The following USP25 variants were observed in gnomAD, a reference collection of about 807,000 sequenced individuals.
The protein encoded by USP25 is ubiquitin carboxyl-terminal hydrolase 25.
In USP25, 85 loss-of-function variants were observed where a neutral mutation model predicts 158.5. The observed-to-expected ratio is 0.54, with a 90% confidence interval of 0.45 to 0.64. USP25 has a LOEUF of 0.64. Among genes scored for constraint, USP25 ranks in the 30% least tolerant of loss-of-function variants. The pLI is 0.00. For missense variants in USP25, 1,242 were observed against 1,327.3 expected (o/e 0.94, Z 1.00); for synonymous variants, 464 against 460.4 (o/e 1.01, Z -0.10).
chr21:15,766,253 A>C lies in USP25; in HGVS notation c.268+112A>C. The C allele has an allele frequency of 2.1e-6, 2 of 967,038 alleles. No individual in the cohort carries two copies. Among genetic ancestry groups the C allele is most frequent in the Non-Finnish European group, 2.8e-6 (2 of 708,552 alleles). The allele number at this position is 967,038 out of a possible 1,614,324, so 59.9% of individuals were successfully genotyped here. On this transcript the variant is annotated intron_variant, in intron 3 of 25. Transcript: ENST00000400183. The surrounding 1 kb of genome is among the most constrained non-coding windows in gnomAD (Gnocchi z 4.0). ...AGGTAAAGAACCAAAAAAGAACTCT[A>C]TTAACCTTGGTTCTTTTTAATGTAG...
chr21:15,747,498 A>G (rs1468438186), intron 1 of USP25, among the ~76,000 whole-genome samples: 3 of 152,008 alleles, frequency 2.0e-5, no homozygotes, highest in African/African-American at 2.4e-5. Context: ...TTTTTCCTAT[A>G]TATAGTATCT....
intron 1 of USP25, among the ~76,000 whole-genome samples, chr21:15,739,939 A>C (rs2031880423): frequency 6.6e-6 from 1 of 152,042 alleles, no homozygotes; most frequent in African/African-American, 2.4e-5. Context: ...GTAGTAAGTA[A>C]TTTTTCAGTT....
chr21:15,829,184 G>A (rs1210761589), intron 14 of USP25, among the ~76,000 whole-genome samples: 1 of 151,802 alleles, frequency 6.6e-6, no homozygotes, highest in Non-Finnish European at 1.5e-5. Context: ...TTTATGTTCA[G>A]GGGTACATGT....
intron 2 of USP25, among the ~76,000 whole-genome samples, chr21:15,764,691 A>G (rs938308905): frequency 1.3e-5 from 2 of 152,170 alleles, no homozygotes; most frequent in African/African-American, 2.4e-5. Context: ...TAAGTGCTCA[A>G]TAAATGTTAG....
At chr21:15,799,234 A>T (rs2036011476) in intron 5 of USP25, among the ~76,000 whole-genome samples, 1 of 151,262 alleles carries the variant, frequency 6.6e-6, no homozygotes, top group Admixed American at 6.6e-5. Flanking sequence ...TTGTGTAATT[A>T]TTATCACTGC....
intron 6 of USP25, among the ~76,000 whole-genome samples, chr21:15,800,704 A>C (rs1201331119): frequency 6.6e-6 from 1 of 151,494 alleles, no homozygotes; most frequent in African/African-American, 2.4e-5. Context: ...AAGGCAAGGG[A>C]GTTAGTTTTA....
Position 15,730,566 on chromosome 21 carries a change from C to G in USP25, c.45+128C>G. 3.6e-6 allele frequency: 4 copies of G among 1,105,424 alleles called. No individual in the cohort carries two copies. In the South Asian group the frequency reaches 1.1e-4, roughly 31 times the overall value. The allele number at this position is 1,105,424 out of a possible 1,614,324, so 68.5% of individuals were successfully genotyped here. On this transcript the variant is annotated intron_variant, in intron 1 of 25. Coordinates refer to ENST00000400183, the MANE Select transcript of USP25 (RefSeq NM_001283041.3). ...GGCTTCCTCCCCGGTCACCCCCGGC[C>G]CCTGCCCATCGCCTCGGGGGCGTCG...
At chr21:15,819,756 G>T (rs540941292) in intron 10 of USP25, among the ~76,000 whole-genome samples, 33 of 152,104 alleles carry the variant, frequency 2.2e-4, no homozygotes, top group Middle Eastern at 6.8e-3. Flanking sequence ...CTTTGTTCTT[G>T]TGTTTTTGAG....
intron 20 of USP25, among the ~76,000 whole-genome samples, chr21:15,851,718 T>C (rs1454685993): frequency 1.3e-5 from 2 of 152,092 alleles, no homozygotes; most frequent in Non-Finnish European, 2.9e-5. Flanking sequence ...AGTTCAAAGC[T>C]GTCCACTGCT....
chr21:15,813,493 C>A (rs979961948), intron 9 of USP25, among the ~76,000 whole-genome samples: 5 of 152,204 alleles, frequency 3.3e-5, no homozygotes, highest in African/African-American at 1.2e-4. Flanking sequence ...CCTGCTCCTA[C>A]ATATAATAAA....
chr21:15,837,454 A>G (rs1029985782), intron 17 of USP25, among the ~76,000 whole-genome samples: 5 of 152,170 alleles, frequency 3.3e-5, no homozygotes, highest in Non-Finnish European at 5.9e-5. Flanking sequence ...GAGTGTGAAC[A>G]GCACACCCTA....
rs867071721 is a variant in USP25, at chr21:15,832,756, T to C, written c.1994-592T>C. ...AAAAATGGCCGGGCGCGGTGGCTTA[T>C]GCCTGTAATCCCAGCACTTTGGGAG... On this transcript the variant is annotated intron_variant, in intron 16 of 25. Coordinates refer to ENST00000400183, the MANE Select transcript of USP25 (RefSeq NM_001283041.3). Among the ~76,000 whole-genome samples the C allele has an allele frequency of 9.2e-5, 14 of 151,630 alleles. No homozygotes were observed. The South Asian group carries it at 1.0e-3, about 11-fold the overall frequency.
intron 18 of USP25, among the ~76,000 whole-genome samples, chr21:15,846,199 G>A (rs1383756149): frequency 9.8e-6 from 1 of 101,846 alleles, no homozygotes; most frequent in African/African-American, 3.9e-5. Context: ...GTCTTACTCT[G>A]TAACCCAGGC....
chr21:15,788,997 G>C (rs1016599041), intron 4 of USP25, among the ~76,000 whole-genome samples: 1 of 151,966 alleles, frequency 6.6e-6, no homozygotes, highest in African/African-American at 2.4e-5. Flanking sequence ...GTCTTGGTTC[G>C]TATCCCTAAC....
intron 5 of USP25, among the ~76,000 whole-genome samples, chr21:15,795,787 G>A (rs1294859506): frequency 6.6e-6 from 1 of 151,446 alleles, no homozygotes; most frequent in Non-Finnish European, 1.5e-5. Context: ...GCACATGGGG[G>A]TTTAATTGTT....
chr21:15,838,322 C>T (rs1265841947), intron 17 of USP25, among the ~76,000 whole-genome samples: 7 of 151,850 alleles, frequency 4.6e-5, no homozygotes, highest in Non-Finnish European at 7.4e-5. Context: ...AAGTTCATTC[C>T]CTATGGAGAT....
intron 7 of USP25, 82 bp downstream of exon 7, chr21:15,805,340 A>G: frequency 1.5e-6 from 2 of 1,295,684 alleles, no homozygotes; most frequent in Non-Finnish European, 2.0e-6. Flanking sequence ...AGAATATGAG[A>G]CTATTTGAGA....
intron 4 of USP25, among the ~76,000 whole-genome samples, chr21:15,787,851 T>A (rs1182909569): frequency 6.6e-6 from 1 of 151,338 alleles, no homozygotes; most frequent in Non-Finnish European, 1.5e-5. Flanking sequence ...TCAGTATTAC[T>A]GCTATAGGCA....
intron 10 of USP25, among the ~76,000 whole-genome samples, chr21:15,820,046 G>A (rs2037153886): frequency 1.3e-5 from 2 of 152,020 alleles, no homozygotes; most frequent in South Asian, 2.1e-4. Context: ...CACAAGAGCT[G>A]CACAAGTAAT....
Sources: allele counts gnomAD v4.1 joint callset (sites outside exome capture counted in the v4.1 genomes callset), GRCh38; gene constraint gnomAD v4.1.1; non-coding constraint Gnocchi (gnomAD v3.1); transcripts MANE v1.5; gene names NCBI Gene and HGNC (gene_info 2026-07-23, HGNC 2026-07-21).